CSMD1: variants seen among roughly 807,000 people sequenced by gnomAD.
CSMD1 encodes the protein CUB and Sushi multiple domains 1.
Under a neutral mutation model 417.5 loss-of-function variants are expected in CSMD1, and 213 were observed. The observed-to-expected ratio is 0.51, with a 90% CI of 0.46 to 0.57. The LOEUF (loss-of-function observed/expected upper bound fraction) is 0.57. Among genes scored for constraint, CSMD1 ranks in the 20% least tolerant of loss-of-function variants. CSMD1 has a pLI of 0.00. For missense variants in CSMD1, 6,923 were observed against 4,529.7 expected, an observed-to-expected ratio of 1.53 and a Z score of -15.17; for synonymous variants, 2,862 against 1,736.8, an observed-to-expected ratio of 1.65 and a Z score of -16.11.
intron 3 of CSMD1, among the ~76,000 whole-genome samples, chr8:4,146,630 G>T (rs1390431964): frequency 1.2e-4 from 4 of 32,442 alleles, no homozygotes; most frequent in African/African-American, 1.9e-4. Context: ...TTTTTTTTTT[G>T]AGACAGAGTC....
At chr8:4,315,015 A>G (rs1798841525) in intron 3 of CSMD1, among the ~76,000 whole-genome samples, 2 of 152,124 alleles carry the variant, frequency 1.3e-5, no homozygotes, top group Non-Finnish European at 2.9e-5. Context: ...CAGCCTGAGA[A>G]AAGAGGTCCC....
In CSMD1 at chr8:4,145,936, G is replaced by A. The variant is rs148368777; in HGVS notation, c.416-113837C>T. 1.5e-3 allele frequency among the ~76,000 whole-genome samples: 233 copies of A among 151,000 alleles called. 13 individuals carry two copies. Among genetic ancestry groups the A allele is most frequent in the African/African-American group, 5.4e-3 (220 of 40,376 alleles). On this transcript the variant is annotated intron_variant, in intron 3 of 69. Transcript: ENST00000635120. ...ACATGATTGGCCCCATTGTTTGTAA[G>A]ACTGACCACGCTGTTTCTTGTTACC...
intron 7 of CSMD1, among the ~76,000 whole-genome samples, chr8:3,624,917 G>A (rs923816675): frequency 6.6e-6 from 1 of 152,064 alleles, no homozygotes; most frequent in Non-Finnish European, 1.5e-5. Context: ...ATGAAACTTT[G>A]TCATGCCACA....
At chr8:3,890,925 C>G (rs890685077) in intron 5 of CSMD1, among the ~76,000 whole-genome samples, 5 of 152,162 alleles carry the variant, frequency 3.3e-5, no homozygotes, top group Admixed American at 6.5e-5. Context: ...TATGTGCTAG[C>G]TACTCTCTCA....
At chr8:3,286,445 A>G (rs974757578) in intron 25 of CSMD1, among the ~76,000 whole-genome samples, 3 of 152,096 alleles carry the variant, frequency 2.0e-5, no homozygotes, top group African/African-American at 4.8e-5. Context: ...TCCCACCAAG[A>G]GTGTGAAAGT....
At chr8:3,284,953 A>G (rs1456966612) in intron 25 of CSMD1, among the ~76,000 whole-genome samples, 1 of 152,194 alleles carries the variant, frequency 6.6e-6, no homozygotes, top group Non-Finnish European at 1.5e-5. Context: ...ATTTTACCAT[A>G]CTTCTATTAG....
chr8:4,720,982 A>G (rs541651049), intron 1 of CSMD1, among the ~76,000 whole-genome samples: 1 of 152,140 alleles, frequency 6.6e-6, no homozygotes, highest in East Asian at 1.9e-4. Context: ...CCGGAAGACA[A>G]TTTTTATTTG....
At chr8:3,819,248 C>G (rs1801575139) in intron 5 of CSMD1, among the ~76,000 whole-genome samples, 1 of 152,156 alleles carries the variant, frequency 6.6e-6, no homozygotes, top group Non-Finnish European at 1.5e-5. Flanking sequence ...TCAAACACCT[C>G]TGCTTCATAC....
intron 1 of CSMD1, among the ~76,000 whole-genome samples, chr8:4,650,511 G>A (rs1355261197): frequency 1.3e-5 from 2 of 152,202 alleles, no homozygotes; most frequent in Non-Finnish European, 1.5e-5. Flanking sequence ...CCTGGCTTCT[G>A]CCTCTTATTT....
intron 33 of CSMD1, among the ~76,000 whole-genome samples, chr8:3,192,488 C>G (rs1796483614): frequency 6.6e-6 from 1 of 152,100 alleles, no homozygotes; most frequent in Non-Finnish European, 1.5e-5. Context: ...GTTTATGAAA[C>G]ACAGTAATTG....
intron 4 of CSMD1, among the ~76,000 whole-genome samples, chr8:4,022,869 A>G (rs1796859292): frequency 6.6e-6 from 1 of 152,250 alleles, no homozygotes; most frequent in South Asian, 2.1e-4. Context: ...AAGAATTCAC[A>G]TAGTTAAGAA....
At chr8:4,343,772 C>T (rs1292027986) in intron 3 of CSMD1, among the ~76,000 whole-genome samples, 2 of 152,020 alleles carry the variant, frequency 1.3e-5, no homozygotes, top group African/African-American at 4.8e-5. Context: ...TCATCTTTCT[C>T]ATCCTACACG....
intron 1 of CSMD1, among the ~76,000 whole-genome samples, chr8:4,940,650 C>T (rs1389816675): frequency 3.9e-5 from 6 of 152,184 alleles, no homozygotes; most frequent in Non-Finnish European, 7.3e-5. Flanking sequence ...GAGGTTCTTA[C>T]GTTCTTTAAC....
intron 5 of CSMD1, among the ~76,000 whole-genome samples, chr8:3,834,103 T>G (rs1044945149): frequency 3.9e-5 from 6 of 152,214 alleles, no homozygotes; most frequent in Non-Finnish European, 5.9e-5. Flanking sequence ...TTAAAATTGT[T>G]TTTGTTTTCC....
intron 2 of CSMD1, among the ~76,000 whole-genome samples, chr8:4,420,283 A>G (rs1797173750): frequency 6.6e-6 from 1 of 152,066 alleles, no homozygotes; most frequent in African/African-American, 2.4e-5. Context: ...ACTTGAGAGA[A>G]TTTCTTCTTG....
intron 23 of CSMD1, among the ~76,000 whole-genome samples, chr8:3,336,106 A>G (rs1455889893): frequency 1.3e-5 from 2 of 152,176 alleles, no homozygotes; most frequent in African/African-American, 4.8e-5. Flanking sequence ...CTCCTGAACC[A>G]TGGAACCATG....
At chr8:3,477,344 T>A (rs1423328785) in intron 11 of CSMD1, among the ~76,000 whole-genome samples, 2 of 152,204 alleles carry the variant, frequency 1.3e-5, no homozygotes, top group Non-Finnish European at 2.9e-5. Flanking sequence ...AAAACTTGCC[T>A]AAAACTGAAC....
chr8:3,982,785 A>C (rs1307080651), intron 5 of CSMD1, among the ~76,000 whole-genome samples: 1 of 152,148 alleles, frequency 6.6e-6, no homozygotes, highest in Non-Finnish European at 1.5e-5. Context: ...GGCCAGAACG[A>C]GGGCAAGAAT....
At chr8:4,398,244 G>C (rs759075150) in intron 3 of CSMD1, among the ~76,000 whole-genome samples, 4 of 152,150 alleles carry the variant, frequency 2.6e-5, no homozygotes, top group Non-Finnish European at 5.9e-5. Context: ...CTCCAAGGAG[G>C]CTGTTGTAAT....
Sources: allele counts gnomAD v4.1 joint callset (sites outside exome capture counted in the v4.1 genomes callset), GRCh38; gene constraint gnomAD v4.1.1; transcripts MANE v1.5; gene names NCBI Gene and HGNC (gene_info 2026-07-23, HGNC 2026-07-21).